The following ENTPD5 variants were observed in gnomAD, a reference collection of about 807,000 sequenced individuals.
The protein encoded by ENTPD5 is ectonucleoside triphosphate diphosphohydrolase 5 (inactive).
ENTPD5 carries 49 observed loss-of-function variants against 60.2 expected under a neutral mutation model. The observed-to-expected ratio is 0.81, with a 90% confidence interval of 0.65 to 1.03. The LOEUF (loss-of-function observed/expected upper bound fraction) is 1.03, where lower values mean the gene tolerates loss of function less well. ENTPD5 is among the 50% of genes least tolerant of loss of function. The probability of loss-of-function intolerance (pLI) is 0.00; values close to 1 mark genes in which losing one functional copy is unlikely to be tolerated. For missense variants in ENTPD5, 480 were observed against 507.6 expected, an observed-to-expected ratio of 0.95 and a Z score of 0.52; for synonymous variants, 187 against 185.4, an observed-to-expected ratio of 1.01 and a Z score of -0.07.
At chr14:74,009,592 C>T (rs1271376230) in intron 3 of ENTPD5, among the ~76,000 whole-genome samples, 1 of 151,036 alleles carries the variant, frequency 6.6e-6, no homozygotes, top group African/African-American at 2.5e-5. Flanking sequence ...AAAATGCTTT[C>T]CTTCTAAATA....
intron 15 of ENTPD5, among the ~76,000 whole-genome samples, 177 bp from the exon 16 acceptor site, chr14:73,967,191 G>C (rs1284561465): frequency 2.0e-5 from 3 of 152,224 alleles, no homozygotes; most frequent in African/African-American, 7.2e-5. Flanking sequence ...TCCGGCCATG[G>C]CCCATTGGCC....
intron 5 of ENTPD5, 47 bp downstream of exon 5, chr14:73,986,767 G>T: frequency 7.4e-7 from 1 of 1,345,512 alleles, no homozygotes; most frequent in South Asian, 1.2e-5. Flanking sequence ...GTGTGGTCAA[G>T]TTATCAAGGC....
At chr14:73,962,234 C>A (rs1015887916), downstream of ENTPD5, among the ~76,000 whole-genome samples, 14 of 152,112 alleles carry the variant, frequency 9.2e-5, no homozygotes, top group African/African-American at 3.4e-4. Flanking sequence ...GCGTGAGCCA[C>A]TGCGGCTGGC....
At chr14:73,994,924 GTTTA>G (rs752655030) in intron 3 of ENTPD5, among the ~76,000 whole-genome samples, 5 of 151,090 alleles carry the variant, frequency 3.3e-5, no homozygotes, top group African/African-American at 4.9e-5. Context: ...TTCCTTTTCT[GTTTA>G]TTTTTCTCCA....
chr14:74,014,428 G>T (rs2058949946), intron 2 of ENTPD5, among the ~76,000 whole-genome samples: 1 of 151,610 alleles, frequency 6.6e-6, no homozygotes, highest in Admixed American at 6.6e-5. Flanking sequence ...GCACAAGCCT[G>T]TGCTCCTAGC....
chr14:73,959,849 C>T (rs372163115), downstream of ENTPD5: 571 of 1,289,522 alleles, frequency 4.4e-4, 9 homozygotes, highest in East Asian at 0.01. Context: ...GGATTACAGG[C>T]GTGAGCCACT....
intron 10 of ENTPD5, among the ~76,000 whole-genome samples, chr14:73,975,627 C>A (rs938954418): frequency 1.3e-5 from 2 of 152,100 alleles, no homozygotes; most frequent in African/African-American, 4.8e-5. Flanking sequence ...TGGTCTCAAA[C>A]GCCTGACCTC....
At chr14:73,975,194 T>C (rs1334825328) in intron 10 of ENTPD5, among the ~76,000 whole-genome samples, 1 of 152,146 alleles carries the variant, frequency 6.6e-6, no homozygotes, top group Non-Finnish European at 1.5e-5. Context: ...CCCACAGTTA[T>C]CATTCAAAGG....
chr14:73,958,953 G>T (rs765146911), downstream of ENTPD5: 7 of 1,613,222 alleles, frequency 4.3e-6, no homozygotes, highest in South Asian at 6.6e-5. Context: ...GACTTAGCAG[G>T]CTCATGTGTC....
chr14:73,961,453 A>G (rs746245541), downstream of ENTPD5: 1 of 1,614,144 alleles, frequency 6.2e-7, no homozygotes, highest in Admixed American at 1.7e-5. Context: ...CTTTATTCTT[A>G]GGGATGCAGC....
chr14:73,989,953 G>A (rs1380324353), intron 3 of ENTPD5, among the ~76,000 whole-genome samples: 1 of 152,014 alleles, frequency 6.6e-6, no homozygotes, highest in Admixed American at 6.6e-5. Context: ...GTTCCAGTGA[G>A]CAGACATCGC....
downstream of ENTPD5, chr14:73,963,213 C>A: frequency 1.7e-6 from 1 of 586,528 alleles, no homozygotes; most frequent in East Asian, 2.8e-5. Context: ...GAAAAAACTT[C>A]GAAGGAAGAC....
intron 2 of ENTPD5, among the ~76,000 whole-genome samples, chr14:74,014,535 A>G (rs1242740200): frequency 1.3e-5 from 2 of 152,208 alleles, no homozygotes; most frequent in Non-Finnish European, 2.9e-5. Flanking sequence ...TGGGTGACAT[A>G]GTGAGACCCT....
At chr14:73,959,567 T>C (rs563607218), downstream of ENTPD5, 65 of 1,613,856 alleles carry the variant, frequency 4.0e-5, no homozygotes, top group Middle Eastern at 4.9e-4. Flanking sequence ...CAGGGGGAGA[T>C]ACAGAAAGGT....
At chr14:73,959,173 C>T, downstream of ENTPD5, 1 of 1,614,224 alleles carries the variant, frequency 6.2e-7, no homozygotes. Flanking sequence ...CCACAGAAAA[C>T]AACGTAGCCT....
chr14:73,973,936 C>A lies in ENTPD5; in HGVS notation c.827G>T (p.Trp276Leu), dbSNP rs2057333116. Residue 276 changes from tryptophan to leucine, a missense_variant, in exon 12 of 16, where the codon TGG (tryptophan) becomes TTG (leucine). Coordinates refer to ENST00000334696, the MANE Select transcript of ENTPD5 (RefSeq NM_001249.5). The part of the protein sequence containing the change: ...HTFRSACLPR[W>L]LEAEWIFGGV... Reference sequence around the variant, plus strand: ...CCCAAAGATCCACTCTGCTTCCAACCATCTCGGTAAACAGGCACTCCGGAA... The same window carrying A: ...CCCAAAGATCCACTCTGCTTCCAACAATCTCGGTAAACAGGCACTCCGGAA... 1 of 1,614,008 alleles carries A rather than the reference C, an allele frequency of 6.2e-7. No homozygotes were observed. Among genetic ancestry groups the A allele is most frequent in the South Asian group, 1.1e-5 (1 of 91,084 alleles).
chr14:73,962,910 A>G (rs906165275), downstream of ENTPD5: 77 of 1,362,162 alleles, frequency 5.7e-5, no homozygotes, highest in African/African-American at 2.7e-4. Context: ...ATTATCTACA[A>G]TAATTATTTT....
rs572265734 is a variant in ENTPD5 at position 73,973,093 on chromosome 14, G to C, written c.887-69C>G. ...GGGGAAGGGGACACTCTCTGAGGCA[G>C]GCTGCTGGAGACAATGAGGGAACAG... On this transcript the variant is annotated intron_variant, in intron 12 of 15. Coordinates refer to ENST00000334696, the MANE Select transcript of ENTPD5 (RefSeq NM_001249.5). 23 of 1,567,726 alleles carry C rather than the reference G, an allele frequency of 1.5e-5. No individual in the cohort carries two copies. In the South Asian group the frequency reaches 1.8e-4, roughly 12 times the overall value.
intron 1 of ENTPD5, among the ~76,000 whole-genome samples, chr14:74,018,179 G>GAAA (rs35872561): frequency 8.2e-5 from 10 of 122,692 alleles, no homozygotes; most frequent in Non-Finnish European, 1.4e-4. Context: ...CTCTCTCTCA[G>GAAA]AAAAAAAAAA....
Sources: allele counts gnomAD v4.1 joint callset (sites outside exome capture counted in the v4.1 genomes callset), GRCh38; gene constraint gnomAD v4.1.1; transcripts MANE v1.5; gene names NCBI Gene and HGNC (gene_info 2026-07-23, HGNC 2026-07-21).